CDH12: variants seen among roughly 807,000 people sequenced by gnomAD.
The protein encoded by CDH12 is cadherin 12.
A neutral mutation model predicts 74.1 loss-of-function variants in CDH12; 41 were observed. The ratio of observed to expected loss-of-function variants is 0.55; its 90% CI spans 0.43 to 0.72. CDH12 has a LOEUF of 0.72. Among genes scored for constraint, CDH12 ranks in the 30% least tolerant of loss-of-function variants. The pLI, the probability that CDH12 is intolerant of heterozygous loss-of-function variation, is 0.00. For missense variants in CDH12, 945 were observed against 977.2 expected (o/e 0.97, Z 0.44); for synonymous variants, 399 against 355.0 (o/e 1.12, Z -1.39).
chr5:22,035,467 A>C (rs1739106762), intron 5 of CDH12, among the ~76,000 whole-genome samples: 2 of 152,060 alleles, frequency 1.3e-5, no homozygotes, highest in Admixed American at 1.3e-4. Flanking sequence ...CAGAAAGTAT[A>C]AAAACATGTG....
chr5:22,497,946 C>A (rs1483169228), intron 2 of CDH12, among the ~76,000 whole-genome samples: 2 of 152,004 alleles, frequency 1.3e-5, no homozygotes, highest in Non-Finnish European at 2.9e-5. Context: ...AGCCACCGTG[C>A]CCAGCTGAAC....
intron 5 of CDH12, among the ~76,000 whole-genome samples, chr5:22,013,795 A>G (rs539846985): frequency 6.6e-6 from 1 of 152,328 alleles, no homozygotes; most frequent in East Asian, 1.9e-4. Context: ...CTTATTGTGA[A>G]GATGTTTTCG....
At chr5:22,582,561 G>T (rs753512550) in intron 1 of CDH12, among the ~76,000 whole-genome samples, 4 of 152,154 alleles carry the variant, frequency 2.6e-5, no homozygotes, top group Non-Finnish European at 5.9e-5. Context: ...GAGTACCTGA[G>T]AGCCTCCACT....
intron 4 of CDH12, among the ~76,000 whole-genome samples, chr5:22,097,813 T>G (rs1172818737): frequency 1.4e-4 from 21 of 152,102 alleles, no homozygotes; most frequent in Non-Finnish European, 3.1e-4. Context: ...ACTCTTACCC[T>G]GCTCAATGCC....
At chr5:21,804,403 A>T (rs6452001) in intron 9 of CDH12, among the ~76,000 whole-genome samples, 3 of 151,818 alleles carry the variant, frequency 2.0e-5, no homozygotes, top group East Asian at 3.9e-4. Flanking sequence ...ACTTATTGCA[A>T]GACTAGAATG....
Position 22,340,520 on chromosome 5 carries a change from C to T in CDH12, c.-333+64737G>A, listed in dbSNP as rs1199204957. 8.7e-5 allele frequency among the ~76,000 whole-genome samples: 10 copies of T among 114,410 alleles called. No homozygotes were observed. The South Asian group carries it at 1.5e-3, about 18-fold the overall frequency. The allele number at this position is 114,410 out of a possible 152,430, so 75.1% of individuals were successfully genotyped here. ...CAGCCTGGGCAACAGAAGGAGACTC[C>T]GTCTCAAAAAAAAAAAAAAAATCTG... On this transcript the variant is annotated intron_variant, in intron 3 of 14. Coordinates refer to ENST00000382254, the MANE Select transcript of CDH12 (RefSeq NM_004061.5).
At chr5:22,616,119 T>C (rs1022321219) in intron 1 of CDH12, among the ~76,000 whole-genome samples, 40 of 152,026 alleles carry the variant, frequency 2.6e-4, no homozygotes, top group Non-Finnish European at 2.9e-5. Context: ...TAAGATAAAA[T>C]TGTCAAAGAC....
At chr5:22,495,876 G>T (rs139415637) in intron 2 of CDH12, among the ~76,000 whole-genome samples, 1 of 152,126 alleles carries the variant, frequency 6.6e-6, no homozygotes, top group Non-Finnish European at 1.5e-5. Flanking sequence ...CAGAAGAGGG[G>T]GAACATTCTA....
intron 2 of CDH12, among the ~76,000 whole-genome samples, chr5:22,485,968 C>T (rs1746575473): frequency 6.6e-6 from 1 of 152,174 alleles, no homozygotes. Context: ...AGTGGCATGT[C>T]TTCAGCACTG....
chr5:22,756,194 T>C (rs1041425160), intron 1 of CDH12, among the ~76,000 whole-genome samples: 9 of 151,768 alleles, frequency 5.9e-5, no homozygotes. Context: ...TCACACATAT[T>C]AGGTGGTCTA....
At chr5:22,178,774 A>T (rs1301624345) in intron 4 of CDH12, among the ~76,000 whole-genome samples, 1 of 152,256 alleles carries the variant, frequency 6.6e-6, no homozygotes, top group Non-Finnish European at 1.5e-5. Context: ...GAAAAGATAT[A>T]ATAGACATGA....
At chr5:22,244,550 AAGAAG>A in intron 3 of CDH12, among the ~76,000 whole-genome samples, 1 of 122,524 alleles carries the variant, frequency 8.2e-6, no homozygotes, top group African/African-American at 3.0e-5. Flanking sequence ...GAAGAAGAAG[AAGAAG>A]AAAGAGAGAA....
At chr5:22,252,538 C>T (rs968962690) in intron 3 of CDH12, among the ~76,000 whole-genome samples, 18 of 152,012 alleles carry the variant, frequency 1.2e-4, no homozygotes, top group African/African-American at 4.3e-4. Flanking sequence ...AAACTGATGC[C>T]TAAAGTTTAT....
chr5:22,446,434 T>TCAA (rs141057759), intron 2 of CDH12, among the ~76,000 whole-genome samples: 2 of 152,038 alleles, frequency 1.3e-5, no homozygotes, highest in Non-Finnish European at 2.9e-5. Context: ...TACATTCTGT[T>TCAA]CAACAACAAC....
chr5:22,617,014 G>T (rs1254511068), intron 1 of CDH12, among the ~76,000 whole-genome samples: 1 of 152,012 alleles, frequency 6.6e-6, no homozygotes. Context: ...AGAGGTGTGT[G>T]CCACCACAGA....
intron 2 of CDH12, among the ~76,000 whole-genome samples, chr5:22,452,621 G>A (rs893537247): frequency 2.6e-5 from 4 of 151,770 alleles, no homozygotes; most frequent in Non-Finnish European, 5.9e-5. Flanking sequence ...GAAACTGCTA[G>A]AAGAAAACAT....
Position 22,078,624 on chromosome 5 carries a change from C to T in CDH12, c.53G>A (p.Gly18Asp). 1 of 1,613,826 alleles carries T rather than the reference C, an allele frequency of 6.2e-7. No individual in the cohort carries two copies. The highest frequency in any genetic ancestry group is 8.5e-7 in the Non-Finnish European group (1 of 1,179,834). Residue 18 changes from glycine to aspartate, a missense_variant, in exon 5 of 15, where the codon GGT (glycine) becomes GAT (aspartate). By Grantham distance (94) the Gly-to-Asp change is moderately conservative. Around this residue, in one of 3 missense-constraint regions of CDH12, gnomAD observed 148 missense variants for 162.8 expected, o/e 0.91. Transcript: ENST00000382254. ...CTGTGGTTGTAGTGGTGTTAGGAGA[C>T]CTCCATCAAACAGAACCCAGAGAAG... is the stretch of plus-strand genomic sequence containing the variant. ...SLLLWVLFDG[G>D]LLTPLQPQPQ...
At chr5:22,759,586 CT>C (rs1746102936) in intron 1 of CDH12, among the ~76,000 whole-genome samples, 1 of 152,176 alleles carries the variant, frequency 6.6e-6, no homozygotes, top group African/African-American at 2.4e-5. Flanking sequence ...CTAATCTGAA[CT>C]GGCTCCTTGA....
At chr5:21,805,780 G>C (rs575457231) in intron 9 of CDH12, among the ~76,000 whole-genome samples, 38 of 152,184 alleles carry the variant, frequency 2.5e-4, no homozygotes, top group African/African-American at 8.7e-4. Context: ...AGAATAAATA[G>C]GATTAGTTTC....
Sources: gnomAD v4.1 joint callset for allele counts (sites outside exome capture counted in the v4.1 genomes callset) on GRCh38, gnomAD v4.1.1 for gene constraint, gnomAD v4.1.1 regional missense constraint, MANE v1.5 for transcripts, NCBI Gene and HGNC (gene_info 2026-07-23, HGNC 2026-07-21) for gene names.